Variants in LRRCC1 observed in about 807,000 individuals in gnomAD.
LRRCC1 encodes leucine-rich repeat and coiled-coil domain-containing protein 1.
A neutral mutation model predicts 126.0 loss-of-function variants in LRRCC1; 115 were observed. That is an observed-to-expected ratio of 0.91 (90% CI 0.78 to 1.07). The LOEUF is 1.07. LRRCC1 is among the 50% of genes least tolerant of loss of function. The probability of loss-of-function intolerance (pLI) is 0.00; values close to 1 mark genes in which losing one functional copy is unlikely to be tolerated. For missense variants in LRRCC1, 1,172 were observed against 1,175.7 expected, an observed-to-expected ratio of 1.00 and a Z score of 0.05; for synonymous variants, 400 against 393.4, an observed-to-expected ratio of 1.02 and a Z score of -0.20.
chr8:85,112,965 TTAGA>T lies in LRRCC1; in HGVS notation c.413_416del (p.Arg138IlefsTer9). 6.3e-7 allele frequency: 1 copy of T among 1,586,596 alleles called. No individual in the cohort carries two copies. Among genetic ancestry groups the T allele is most frequent in the Non-Finnish European group, 8.6e-7 (1 of 1,166,258 alleles). ...CCCCTTCATGGAATTAAGCATAAAC[TTAGA>T]TATATTGATCTACATAGTAATCGTA... On this transcript the variant is annotated frameshift_variant, in exon 4 of 19. Transcript: ENST00000360375. LOFTEE classifies it high-confidence loss of function.
In LRRCC1 at chr8:85,107,373, A is replaced by T; in HGVS notation, c.78A>T (p.Val26=). The part of the protein sequence containing the change: ...NEDGDSSCGD[V]CFMDKGLQSI... ...ACGGCGACAGCAGCTGCGGGGATGT[A>T]TGCTTCATGGACAAAGGCTTGCAGA... The change falls in exon 1 of 19, where the codon GTA becomes GTT. Residue 26 remains valine, a synonymous_variant. Transcript: ENST00000360375. The T allele has an allele frequency of 6.2e-7, 1 of 1,613,782 alleles. No individual in the cohort carries two copies.
chr8:85,121,452 GTTTT>G (rs1182600645), intron 6 of LRRCC1, among the ~76,000 whole-genome samples: 5 of 150,486 alleles, frequency 3.3e-5, no homozygotes, highest in Admixed American at 3.3e-4. Context: ...GTTTTGTTTT[GTTTT>G]TTGAGACGGA....
chr8:85,124,831 A>C lies in LRRCC1; in HGVS notation c.1164A>C (p.Leu388Phe). Reference sequence around the variant, plus strand: ...TGAAACCACCTTACCTTAAAGAATTATATGTAAGCTCATCTTTAGCAAACT... The same window carrying C: ...TGAAACCACCTTACCTTAAAGAATTCTATGTAAGCTCATCTTTAGCAAACT... Reference protein sequence around the residue: ...RKMKPPYLKELYVSSSLANCP... With the variant: ...RKMKPPYLKEFYVSSSLANCP... The change falls in exon 8 of 19, where the codon TTA (leucine) becomes TTC (phenylalanine). Residue 388 changes from leucine (L) to phenylalanine (F), a missense_variant. By Grantham distance (22) the Leu-to-Phe change is conservative. Transcript: ENST00000360375. 6.3e-7 allele frequency: 1 copy of C among 1,587,832 alleles called. No homozygotes were observed. Among genetic ancestry groups the C allele is most frequent in the Non-Finnish European group, 8.6e-7 (1 of 1,162,508 alleles).
chr8:85,126,865 T>C (rs1810050385), intron 9 of LRRCC1, 28 bp downstream of exon 9: 1 of 1,570,636 alleles, frequency 6.4e-7, no homozygotes, highest in African/African-American at 1.4e-5. Flanking sequence ...AACCTGAAGA[T>C]ACCTCATAGC....
In LRRCC1 at chr8:85,145,393, A is replaced by C. The variant is rs993268961; in HGVS notation, c.2981A>C (p.His994Pro). 1 of 1,530,982 alleles carries C rather than the reference A, an allele frequency of 6.5e-7. No individual in the cohort carries two copies. Among genetic ancestry groups the C allele is most frequent in the African/African-American group, 1.4e-5 (1 of 70,976 alleles). The allele number at this position is 1,530,982 out of a possible 1,614,324, so 94.8% of individuals were successfully genotyped here. A position where few individuals can be genotyped will look rare whatever the true frequency, so the allele number is the denominator to read the frequency against. The change falls in exon 19 of 19, where the codon CAT (histidine) becomes CCT (proline). Residue 994 changes from histidine to proline, a missense_variant. Physicochemically the swap from His to Pro is moderately conservative, Grantham distance 77. Coordinates refer to ENST00000360375, the MANE Select transcript of LRRCC1 (RefSeq NM_033402.5). ...KCIDSANLKV[H>P]QIEKEMRELL... Reference sequence around the variant, plus strand: ...AAAATTTACATGTCGATTTAGGTCCATCAAATTGAAAAAGAAATGCGTGAA... The same window carrying C: ...AAAATTTACATGTCGATTTAGGTCCCTCAAATTGAAAAAGAAATGCGTGAA...
At chr8:85,126,594 G>A in intron 8 of LRRCC1, 95 bp from the exon 9 acceptor site, 1 of 981,552 alleles carries the variant, frequency 1.0e-6, no homozygotes, top group Middle Eastern at 2.2e-4. Flanking sequence ...CTTTGAAGTA[G>A]GTACTATTAT....
At chr8:85,127,022 G>A (rs1810065009) in intron 9 of LRRCC1, among the ~76,000 whole-genome samples, 185 bp downstream of exon 9, 1 of 152,086 alleles carries the variant, frequency 6.6e-6, no homozygotes, top group South Asian at 2.1e-4. Flanking sequence ...AGAAATTCAG[G>A]TACATGTATT....
In LRRCC1 at chr8:85,110,153, T is replaced by TACACATACA. The variant is rs1808593550; in HGVS notation, c.349_350insACACATACA (p.Ser117delinsTyrThrTyrThr). 1 of 1,339,248 alleles carries TACACATACA rather than the reference T, an allele frequency of 7.5e-7. No individual in the cohort carries two copies. Among genetic ancestry groups the TACACATACA allele is most frequent in the Non-Finnish European group, 1.0e-6 (1 of 971,422 alleles). The allele number at this position is 1,339,248 out of a possible 1,614,324, so 83.0% of individuals were successfully genotyped here. On this transcript the variant is annotated protein_altering_variant, in exon 3 of 19. Coordinates refer to ENST00000360375, the MANE Select transcript of LRRCC1 (RefSeq NM_033402.5). ...AATTAATCTGACTAGACTAAATGTA[T>TACACATACA]CTTATAACCACATAGATGATCTTAG...
rs188873386 is a variant in LRRCC1 at position 85,126,006 on chromosome 8, A to G, written c.1273-683A>G. On this transcript the variant is annotated intron_variant, in intron 8 of 18. Coordinates refer to ENST00000360375, the MANE Select transcript of LRRCC1 (RefSeq NM_033402.5). The stretch of plus-strand genomic sequence containing the variant: ...TATTCATTTTTCTCATGAAAAATCA[A>G]TCTTTTCTGATTCAACCCCCGCCCC... Among the ~76,000 whole-genome samples, 39 of 152,204 alleles carry G rather than the reference A, an allele frequency of 2.6e-4. 1 individual carries two copies. The East Asian group carries it at 4.4e-3, about 17-fold the overall frequency.
intron 5 of LRRCC1, 39 bp downstream of exon 5, chr8:85,115,314 C>T (rs370517362): frequency 6.4e-7 from 1 of 1,561,264 alleles, no homozygotes; most frequent in Non-Finnish European, 8.7e-7. Context: ...ATAAAAAATA[C>T]CTTCAAATTT....
chr8:85,107,264 C>T lies in LRRCC1; in HGVS notation c.-32C>T, dbSNP rs368674344. 2.5e-6 allele frequency: 4 copies of T among 1,583,504 alleles called. No individual in the cohort carries two copies. The highest frequency in any genetic ancestry group is 1.3e-5 in the African/African-American group (1 of 74,696). On this transcript the variant is annotated 5_prime_UTR_variant, in exon 1 of 19. Coordinates refer to ENST00000360375, the MANE Select transcript of LRRCC1 (RefSeq NM_033402.5). ...AGCTCACGGACCCCTCGCTGGGTGC[C>T]GGTTAAGACCCCGCTCCCCGTCGCC... is the stretch of plus-strand genomic sequence containing the variant.
chr8:85,136,619 A>G, intron 14 of LRRCC1, among the ~76,000 whole-genome samples: 1 of 152,298 alleles, frequency 6.6e-6, no homozygotes, highest in East Asian at 1.9e-4. Flanking sequence ...TGTACAGTAT[A>G]CACATTTAAT....
Position 85,112,959 on chromosome 8 carries a change from A to G in LRRCC1, c.404A>G (p.His135Arg). Residue 135 changes from histidine (H) to arginine (R), a missense_variant, in exon 4 of 19, where the codon CAT becomes CGT. By Grantham distance (29) the His-to-Arg change is conservative. Transcript: ENST00000360375. Reference sequence around the variant, plus strand: ...TTGATTCCCCTTCATGGAATTAAGCATAAACTTAGATATATTGATCTACAT... The same window carrying G: ...TTGATTCCCCTTCATGGAATTAAGCGTAAACTTAGATATATTGATCTACAT... ...SGLIPLHGIK[H>R]KLRYIDLHSN... The G allele has an allele frequency of 1.3e-6, 2 of 1,579,726 alleles. No homozygotes were observed. Among genetic ancestry groups the G allele is most frequent in the Non-Finnish European group, 1.7e-6 (2 of 1,162,602 alleles).
chr8:85,132,637 C>A (rs765127463), intron 12 of LRRCC1, among the ~76,000 whole-genome samples: 2 of 152,144 alleles, frequency 1.3e-5, no homozygotes, highest in Non-Finnish European at 2.9e-5. Context: ...AGATGATCCG[C>A]CTGCCTCGGC....
intron 16 of LRRCC1, 21 bp downstream of exon 16, chr8:85,138,264 T>C: frequency 6.3e-7 from 1 of 1,580,608 alleles, no homozygotes; most frequent in South Asian, 1.2e-5. Context: ...GTACAGTATT[T>C]CCCACTGAGA....
intron 4 of LRRCC1, among the ~76,000 whole-genome samples, chr8:85,113,596 A>C (rs1005002640): frequency 6.6e-6 from 1 of 152,040 alleles, no homozygotes; most frequent in Non-Finnish European, 1.5e-5. Context: ...TATACATAAA[A>C]CATCTAGAAG....
At chr8:85,135,295 A>G (rs4740043) in intron 13 of LRRCC1, among the ~76,000 whole-genome samples, 108,646 of 152,074 alleles carry the variant, frequency 0.71, 39,476 homozygotes, top group African/African-American at 0.81. Flanking sequence ...TAGTGATACA[A>G]CAAAAATTGT....
At chr8:85,109,863 C>A in intron 2 of LRRCC1, 63 bp downstream of exon 2, 1 of 837,580 alleles carries the variant, frequency 1.2e-6, no homozygotes, top group South Asian at 2.2e-5. Flanking sequence ...CATTTTTTTC[C>A]CCAAAAGAAT....
At chr8:85,141,615 A>C (rs1199567411) in intron 18 of LRRCC1, 98 bp downstream of exon 18, 1 of 894,760 alleles carries the variant, frequency 1.1e-6, no homozygotes, top group African/African-American at 1.7e-5. Flanking sequence ...AGGCAACATG[A>C]TCTCATGACC....
Sources: gnomAD v4.1 joint callset for allele counts (sites outside exome capture counted in the v4.1 genomes callset) on GRCh38, gnomAD v4.1.1 for gene constraint, MANE v1.5 for transcripts, NCBI Gene and HGNC (gene_info 2026-07-23, HGNC 2026-07-21) for gene names.